The following AK7 variants were observed in gnomAD, a reference collection of about 807,000 sequenced individuals.
AK7 encodes the protein ATP-AMP transphosphorylase 7.
AK7 carries 78 observed loss-of-function variants against 96.6 expected under a neutral mutation model. The ratio of observed to expected loss-of-function variants is 0.81; its 90% confidence interval spans 0.67 to 0.97. The LOEUF is 0.97. Ranked by LOEUF, AK7 falls within the 50% of genes least tolerant of loss-of-function variation. AK7 has a pLI of 0.00. For synonymous variants in AK7, 302 were observed against 317.2 expected, an observed-to-expected ratio of 0.95 and a Z score of 0.51; for missense variants, 855 against 887.9, an observed-to-expected ratio of 0.96 and a Z score of 0.47.
intron 8 of AK7, among the ~76,000 whole-genome samples, chr14:96,447,177 A>G (rs1241706041): frequency 2.6e-5 from 4 of 152,158 alleles, no homozygotes; most frequent in Non-Finnish European, 5.9e-5. Flanking sequence ...CGATCATTGC[A>G]CCCCAGACAC....
chr14:96,425,040 A>G (rs948694218), intron 5 of AK7, among the ~76,000 whole-genome samples: 2 of 152,192 alleles, frequency 1.3e-5, no homozygotes, highest in East Asian at 1.9e-4. Context: ...TTTATCCCCA[A>G]CTTTCTTACT....
intron 1 of AK7, among the ~76,000 whole-genome samples, chr14:96,395,064 A>C (rs918370752): frequency 2.0e-5 from 3 of 152,184 alleles, no homozygotes; most frequent in African/African-American, 7.2e-5. Context: ...GGGTCTCATT[A>C]ACGTCGGCCA....
chr14:96,438,326 AC>A (rs1892764600), intron 6 of AK7, among the ~76,000 whole-genome samples: 1 of 152,190 alleles, frequency 6.6e-6, no homozygotes, highest in Non-Finnish European at 1.5e-5. Flanking sequence ...ATGGAAAACA[AC>A]AGAGCAGAGA....
chr14:96,457,247 G>C (rs1223687840), intron 11 of AK7, among the ~76,000 whole-genome samples: 2 of 151,816 alleles, frequency 1.3e-5, no homozygotes, highest in Non-Finnish European at 2.9e-5. Flanking sequence ...TTTTAGTAGA[G>C]ACGGGGTTTC....
intron 1 of AK7, among the ~76,000 whole-genome samples, chr14:96,396,888 C>G (rs1026397449): frequency 1.3e-5 from 2 of 152,154 alleles, no homozygotes; most frequent in Admixed American, 1.3e-4. Flanking sequence ...TTAGTCCACA[C>G]CAGCCTGGGC....
chr14:96,426,674 A>T (rs1241568342), intron 5 of AK7, among the ~76,000 whole-genome samples: 1 of 152,146 alleles, frequency 6.6e-6, no homozygotes, highest in African/African-American at 2.4e-5. Flanking sequence ...TTTTCACCAG[A>T]TATACTATTC....
intron 12 of AK7, among the ~76,000 whole-genome samples, chr14:96,471,045 C>G (rs1894855748): frequency 6.6e-6 from 1 of 152,116 alleles, no homozygotes; most frequent in Non-Finnish European, 1.5e-5. Context: ...AGTACAAAAT[C>G]ACATATTTTT....
rs555850701 is a variant in AK7 at position 96,406,671 on chromosome 14, G to A, written c.403+1806G>A. Among the ~76,000 whole-genome samples, 6 of 151,902 alleles carry A rather than the reference G, an allele frequency of 3.9e-5. No individual in the cohort carries two copies. The East Asian group carries it at 5.8e-4, about 15-fold the overall frequency. On this transcript the variant is annotated intron_variant, in intron 3 of 17. Transcript: ENST00000267584. ...CACATTCTTAGATTTTGTTTTTCTC[G>A]CAATGGATATGTATTCCTTTCTTTT...
Position 96,488,712 on chromosome 14 carries a change from A to C in AK7, c.*369A>C, listed in dbSNP as rs1895908750. ...ATTATTCTAACATGTAGGCTAATTT[A>C]CATGACTTGTTATCGCCCCAATAAC... On this transcript the variant is annotated 3_prime_UTR_variant, in exon 18 of 18. Coordinates refer to ENST00000267584, the MANE Select transcript of AK7 (RefSeq NM_152327.5). 6.2e-6 allele frequency: 1 copy of C among 160,436 alleles called. No homozygotes were observed. The highest frequency in any genetic ancestry group is 2.0e-4 in the South Asian group (1 of 4,952). 9.9% of individuals were successfully genotyped at this position (160,436 alleles called of 1,614,324 possible). A position where few individuals can be genotyped will look rare whatever the true frequency, so the allele number is the denominator to read the frequency against.
At chr14:96,443,482 C>T (rs1439053472) in intron 7 of AK7, among the ~76,000 whole-genome samples, 3 of 152,178 alleles carry the variant, frequency 2.0e-5, no homozygotes, top group Admixed American at 2.0e-4. Flanking sequence ...CAGATTCCCA[C>T]TCTTTCTCTC....
chr14:96,394,289 G>A (rs888298465), intron 1 of AK7, among the ~76,000 whole-genome samples: 17 of 152,144 alleles, frequency 1.1e-4, no homozygotes, highest in African/African-American at 4.1e-4. Flanking sequence ...CACTTCATTA[G>A]GTGCAGCAAG....
chr14:96,446,948 A>T (rs1021603946), intron 8 of AK7, among the ~76,000 whole-genome samples: 4 of 137,314 alleles, frequency 2.9e-5, no homozygotes, highest in East Asian at 2.0e-4. Context: ...TCCAAAAAAT[A>T]AAAAATAAAA....
At chr14:96,443,765 C>CA (rs571684215) in intron 7 of AK7, among the ~76,000 whole-genome samples, 1,597 of 139,496 alleles carry the variant, frequency 0.011, 13 homozygotes, top group Non-Finnish European at 0.018. Context: ...AAAAAAATAA[C>CA]AAAAAAAACT....
chr14:96,421,944 G>T (rs1239434055), intron 5 of AK7, among the ~76,000 whole-genome samples: 2 of 152,120 alleles, frequency 1.3e-5, no homozygotes, highest in Admixed American at 1.3e-4. Context: ...CCAGCAGCCC[G>T]CAATGCAAAG....
intron 7 of AK7, among the ~76,000 whole-genome samples, chr14:96,444,828 C>T (rs1362173101): frequency 6.6e-6 from 1 of 152,110 alleles, no homozygotes. Context: ...AGCGATTCTC[C>T]TGCCTCAGCC....
At chr14:96,464,544 CA>C (rs375649324) in intron 12 of AK7, among the ~76,000 whole-genome samples, 131 of 57,650 alleles carry the variant, frequency 2.3e-3, no homozygotes, top group South Asian at 0.022. Flanking sequence ...GACCCTGTCC[CA>C]AAAAAAAAAA....
chr14:96,423,238 T>C (rs1891816215), intron 5 of AK7, among the ~76,000 whole-genome samples: 1 of 152,232 alleles, frequency 6.6e-6, no homozygotes, highest in African/African-American at 2.4e-5. Context: ...TGCGAGCCTC[T>C]GGTTGTCTAG....
rs541529048 is a variant in AK7 at position 96,451,872 on chromosome 14, A to C, written c.1098+302A>C. 1.2e-4 allele frequency among the ~76,000 whole-genome samples: 18 copies of C among 152,322 alleles called. No homozygotes were observed. In the South Asian group the frequency reaches 3.7e-3, roughly 32 times the overall value. On this transcript the variant is annotated intron_variant, in intron 10 of 17. Transcript: ENST00000267584. ...TTATCTAATTTAAACATTAGATAAT[A>C]ATGTACGCAAATTGCACATGATAGC...
At chr14:96,476,710 AC>A (rs1895207346) in intron 14 of AK7, among the ~76,000 whole-genome samples, 1 of 152,184 alleles carries the variant, frequency 6.6e-6, no homozygotes, top group Non-Finnish European at 1.5e-5. Context: ...AAGAGAATGA[AC>A]ATTTTTTTAA....
Sources: gnomAD v4.1 joint callset for allele counts (sites outside exome capture counted in the v4.1 genomes callset) on GRCh38, gnomAD v4.1.1 for gene constraint, MANE v1.5 for transcripts, NCBI Gene and HGNC (gene_info 2026-07-23, HGNC 2026-07-21) for gene names.